BORCS8: variants seen among roughly 807,000 people sequenced by gnomAD.
BORCS8 encodes BLOC-1 related complex subunit 8, also known as BLOC-1-related complex subunit 8.
Under a neutral mutation model 18.7 loss-of-function variants are expected in BORCS8, and 13 were observed. The observed-to-expected ratio is 0.70, with a 90% CI of 0.45 to 1.11. BORCS8 has a LOEUF of 1.11. Among genes scored for constraint, BORCS8 ranks in the 50% least tolerant of loss-of-function variants. The pLI is 0.00. For missense variants in BORCS8, 165 were observed against 165.7 expected, an observed-to-expected ratio of 1.00 and a Z score of 0.02; for synonymous variants, 68 against 64.8, an observed-to-expected ratio of 1.05 and a Z score of -0.24.
At chr19:19,188,930 G>A (rs2060438410) in intron 1 of BORCS8, among the ~76,000 whole-genome samples, 1 of 151,666 alleles carries the variant, frequency 6.6e-6, no homozygotes, top group South Asian at 2.1e-4. Context: ...CACCTCCCGG[G>A]TTCAGGTGAT....
At chr19:19,180,604 C>A in intron 5 of BORCS8, 82 bp downstream of exon 5, 2 of 955,836 alleles carry the variant, frequency 2.1e-6, no homozygotes, top group Non-Finnish European at 3.3e-6. Context: ...GTTAGACAAG[C>A]AGGTGCCTGC....
chr19:19,187,153 G>A, intron 1 of BORCS8, 148 bp from the exon 2 acceptor site: 1 of 610,778 alleles, frequency 1.6e-6, no homozygotes, highest in East Asian at 2.9e-5. Context: ...ACAGGCTGGA[G>A]GAAGTGGTCA....
rs546927660 is a variant in BORCS8 at position 19,182,593 on chromosome 19, A to G, written c.306T>C (p.Asn102=). 1 of 1,551,066 alleles carries G rather than the reference A, an allele frequency of 6.4e-7. No homozygotes were observed. Among genetic ancestry groups the G allele is most frequent in the East Asian group, 2.4e-5 (1 of 40,896 alleles). ...GCTACCTGTGGCCCTGGGCACTGGC[A>G]TTCATATGGTCCCGGATGCTGATGG... ...KQAISIRDHM[N]ASAQGHSPEE... The change falls in exon 4 of 6, where the codon AAT becomes AAC. Residue 102 remains asparagine, a synonymous_variant. Transcript: ENST00000462790. The surrounding 1 kb of genome is among the most constrained non-coding windows in gnomAD (Gnocchi z 4.1).
intron 1 of BORCS8, among the ~76,000 whole-genome samples, chr19:19,187,623 C>G (rs1599759601): frequency 1.3e-5 from 2 of 151,424 alleles, no homozygotes; most frequent in East Asian, 3.9e-4. Flanking sequence ...ACCACAACCT[C>G]CGACTCCCTG....
chr19:19,181,092 G>A (rs577119068), intron 4 of BORCS8, among the ~76,000 whole-genome samples: 1 of 152,284 alleles, frequency 6.6e-6, no homozygotes, highest in East Asian at 1.9e-4. Flanking sequence ...CTACTCGAGA[G>A]GCTGAGGCAC....
intron 5 of BORCS8, chr19:19,178,671 C>G (rs1405794062): frequency 6.6e-6 from 1 of 152,248 alleles, no homozygotes; most frequent in East Asian, 1.9e-4. Context: ...GGAATGAAAG[C>G]CTCTGAGGCC....
At chr19:19,184,593 C>T (rs2060388410) in intron 3 of BORCS8, among the ~76,000 whole-genome samples, 1 of 151,920 alleles carries the variant, frequency 6.6e-6, no homozygotes, top group Admixed American at 6.6e-5. Flanking sequence ...TGAGCCACCG[C>T]GCCCGGTCTG....
chr19:19,187,079 GC>G, intron 1 of BORCS8, 74 bp from the exon 2 acceptor site: 1 of 1,213,694 alleles, frequency 8.2e-7, no homozygotes, highest in Non-Finnish European at 1.2e-6. Flanking sequence ...CAAGTGTTGA[GC>G]CCAGCCAGAG....
chr19:19,184,113 G>A (rs1408975253), intron 3 of BORCS8, among the ~76,000 whole-genome samples: 2 of 149,878 alleles, frequency 1.3e-5, no homozygotes, highest in Non-Finnish European at 3.0e-5. Context: ...AACTCCTGCC[G>A]CAAGTGATCT....
rs1417198948 is a variant in BORCS8, at chr19:19,180,465, GGA to G, written c.*42+219_*42+220del. On this transcript the variant is annotated intron_variant, in intron 5 of 5. Transcript: ENST00000462790. ...CCTGGAAAAGAGAGAGGAAGGTGGT[GGA>G]GAGAGAGTGGGAGAGATGGGCTGAC... is the stretch of plus-strand genomic sequence containing the variant. 3 of 587,446 alleles carry G rather than the reference GGA, an allele frequency of 5.1e-6. No homozygotes were observed. In the South Asian group the frequency reaches 6.0e-5, roughly 12 times the overall value. The allele number at this position is 587,446 out of a possible 1,614,324, so 36.4% of individuals were successfully genotyped here. A position where few individuals can be genotyped will look rare whatever the true frequency, so the allele number is the denominator to read the frequency against.
At chr19:19,177,685 GAA>G (rs1491180395) in intron 5 of BORCS8, 22 of 55,786 alleles carry the variant, frequency 3.9e-4, no homozygotes, top group African/African-American at 1.4e-3. Context: ...AGGAAGGAAG[GAA>G]GGAAGGAAGA....
chr19:19,181,914 A>G, intron 4 of BORCS8: 5 of 985,484 alleles, frequency 5.1e-6, no homozygotes, highest in Non-Finnish European at 6.0e-6. Flanking sequence ...TAGAATGCCA[A>G]CAAAAACAAA....
intron 1 of BORCS8, 60 bp from the exon 2 acceptor site, chr19:19,187,065 T>G: frequency 1.5e-6 from 2 of 1,338,886 alleles, no homozygotes; most frequent in Non-Finnish European, 2.1e-6. Flanking sequence ...GCCTCCTCAT[T>G]GCTCAAGTGT....
At chr19:19,180,437 T>C in intron 5 of BORCS8, 1 of 562,392 alleles carries the variant, frequency 1.8e-6, no homozygotes, top group Non-Finnish European at 3.2e-6. Flanking sequence ...ATGGGGCCTA[T>C]GGCCTGGAAA....
chr19:19,177,804 C>T (rs2060314821), intron 5 of BORCS8: 1 of 164,462 alleles, frequency 6.1e-6, no homozygotes, highest in Non-Finnish European at 1.3e-5. Flanking sequence ...AGGCCTATGT[C>T]ACACAGCACA....
chr19:19,180,902 T>C, intron 4 of BORCS8, 141 bp from the exon 5 acceptor site: 3 of 862,600 alleles, frequency 3.5e-6, no homozygotes, highest in Non-Finnish European at 5.3e-6. Context: ...TGCTTAAAAG[T>C]GGGATGAGTG....
chr19:19,190,555 G>A (rs1317560019), intron 1 of BORCS8, among the ~76,000 whole-genome samples: 1 of 152,196 alleles, frequency 6.6e-6, no homozygotes, highest in African/African-American at 2.4e-5. Flanking sequence ...TTGGGAGGCC[G>A]AAGCGGGAGG....
At chr19:19,187,967 C>G (rs1208355999) in intron 1 of BORCS8, among the ~76,000 whole-genome samples, 1 of 151,994 alleles carries the variant, frequency 6.6e-6, no homozygotes, top group Admixed American at 6.6e-5. Flanking sequence ...CTCAGCCTCC[C>G]GAGGAGCTAG....
At chr19:19,192,018 T>A (rs780164579) in intron 1 of BORCS8, 63 bp downstream of exon 1, 297 of 1,543,490 alleles carry the variant, frequency 1.9e-4, no homozygotes, top group Non-Finnish European at 2.4e-4. Flanking sequence ...GCGCCCGGCC[T>A]TTGTCAGGCC....
Sources: allele counts gnomAD v4.1 joint callset (sites outside exome capture counted in the v4.1 genomes callset), GRCh38; gene constraint gnomAD v4.1.1; non-coding constraint Gnocchi (gnomAD v3.1); transcripts MANE v1.5; gene names NCBI Gene and HGNC (gene_info 2026-07-23, HGNC 2026-07-21).